The following EPHA10 variants were observed in gnomAD, a reference collection of about 807,000 sequenced individuals.
EPHA10 encodes EPH receptor A10.
A neutral mutation model predicts 109.7 loss-of-function variants in EPHA10; 120 were observed. That is an observed-to-expected ratio of 1.09 (90% CI 0.94 to 1.27). EPHA10 has a LOEUF of 1.27. Ranked by LOEUF, EPHA10 falls within the 50% of genes most tolerant of loss-of-function variation. The pLI, the probability that EPHA10 is intolerant of heterozygous loss-of-function variation, is 0.00. For synonymous variants in EPHA10, 640 were observed against 618.9 expected (o/e 1.03, Z -0.51); for missense variants, 1,396 against 1,411.1 (o/e 0.99, Z 0.17).
chr1:37,746,974 T>C (rs1218181403), intron 5 of EPHA10, among the ~76,000 whole-genome samples: 1 of 152,168 alleles, frequency 6.6e-6, no homozygotes, highest in Non-Finnish European at 1.5e-5. Context: ...GTGGATGGAA[T>C]GGTGAGTGAC....
intron 15 of EPHA10, 127 bp downstream of exon 15, chr1:37,719,287 G>T: frequency 9.0e-7 from 1 of 1,111,828 alleles, no homozygotes. Flanking sequence ...ACAGCCCTCT[G>T]GGGCAATGGG....
intron 7 of EPHA10, 77 bp from the exon 8 acceptor site, chr1:37,727,287 C>T (rs1223373017): frequency 3.4e-6 from 4 of 1,161,424 alleles, no homozygotes; most frequent in Non-Finnish European, 4.8e-6. Context: ...CTCCTGTCCT[C>T]ACCCTGTAGC....
intron 1 of EPHA10, 106 bp from the exon 2 acceptor site, chr1:37,762,955 A>G (rs989917372): frequency 5.6e-5 from 60 of 1,067,608 alleles, no homozygotes; most frequent in Non-Finnish European, 7.7e-5. Context: ...AGAATGCAAT[A>G]TGTGACAAAT....
chr1:37,760,921 T>C (rs1212622537), intron 3 of EPHA10: 4 of 187,668 alleles, frequency 2.1e-5, no homozygotes, highest in Non-Finnish European at 3.3e-5. Flanking sequence ...CCGTCTCTAC[T>C]AAAAATACAA....
intron 9 of EPHA10, 26 bp downstream of exon 9, chr1:37,723,285 T>C: frequency 6.2e-7 from 1 of 1,612,370 alleles, no homozygotes. Context: ...AGCCCGCCCC[T>C]CCCCAGCCAG....
downstream of EPHA10, chr1:37,715,715 C>A (rs1004551180): frequency 3.0e-6 from 1 of 330,678 alleles, no homozygotes; most frequent in Non-Finnish European, 5.9e-6. Flanking sequence ...CAGACACCTC[C>A]CTGGTTCTAC....
chr1:37,740,309 A>G (rs577732843), intron 5 of EPHA10, among the ~76,000 whole-genome samples: 6 of 151,684 alleles, frequency 4.0e-5, no homozygotes, highest in African/African-American at 7.2e-5. Context: ...TTATTTATTT[A>G]TTTGTTTATT....
In EPHA10 at chr1:37,723,375, G is replaced by A. The variant is rs1451564564; in HGVS notation, c.1773-3C>T. On this transcript the variant is annotated splice_polypyrimidine_tract_variant and splice_region_variant and intron_variant, in intron 8 of 16. Coordinates refer to ENST00000373048, the MANE Select transcript of EPHA10 (RefSeq NM_001099439.2). ...CTCCTTTGCCATAGCTGCAGGGCCT[G>A]GCAGGGAGTTCAGGGTCATTCTTTC... is the stretch of plus-strand genomic sequence containing the variant. 1 of 1,613,952 alleles carries A rather than the reference G, an allele frequency of 6.2e-7. No homozygotes were observed. The highest frequency in any genetic ancestry group is 8.5e-7 in the Non-Finnish European group (1 of 1,179,980).
chr1:37,733,043 C>G (rs1646013428), intron 6 of EPHA10, among the ~76,000 whole-genome samples: 1 of 151,406 alleles, frequency 6.6e-6, no homozygotes, highest in Non-Finnish European at 1.5e-5. Context: ...CAGGCACCCA[C>G]CACCATGTCT....
At position 37,732,860 on chromosome 1, in the gene EPHA10, GTTCTTTTT is replaced by G. The variant is rs1557541362; in HGVS notation, c.1492-1286_1492-1279del. Reference sequence around the variant, plus strand: ...TTTCAAATATAGCCCTTTTATACTTGTTCTTTTTTTTTTTTTTTTTTTTTTTTTTTTTT... The same window carrying G: ...TTTCAAATATAGCCCTTTTATACTTGTTTTTTTTTTTTTTTTTTTTTTTTT... On this transcript the variant is annotated intron_variant, in intron 6 of 16. Coordinates refer to ENST00000373048, the MANE Select transcript of EPHA10 (RefSeq NM_001099439.2). Among the ~76,000 whole-genome samples the G allele has an allele frequency of 6.2e-4, 16 of 25,824 alleles. 1 individual carries two copies. The highest frequency in any genetic ancestry group is 2.4e-3 in the African/African-American group (16 of 6,596). 16.9% of individuals were successfully genotyped at this position (25,824 alleles called of 152,430 possible).
chr1:37,720,026 G>T lies in EPHA10; in HGVS notation c.2445C>A (p.Pro815=). Reference sequence around the variant, plus strand: ...TGAAGTGGCCAAACTGAAGTGTCTCGGGAGCGGCCCATAGCGCTGGGCTCC... The same window carrying T: ...TGAAGTGGCCAAACTGAAGTGTCTCTGGAGCGGCCCATAGCGCTGGGCTCC... ...SGRSPALWAA[P]ETLQFGHFSS... Residue 815 remains proline, a synonymous_variant, in exon 14 of 17, where the codon CCC becomes CCA. Transcript: ENST00000373048. 6.2e-7 allele frequency: 1 copy of T among 1,613,748 alleles called. No homozygotes were observed. Among genetic ancestry groups the T allele is most frequent in the Non-Finnish European group, 8.5e-7 (1 of 1,180,018 alleles).
At chr1:37,753,727 C>T (rs184288189) in intron 4 of EPHA10, among the ~76,000 whole-genome samples, 1,295 of 72,704 alleles carry the variant, frequency 0.018, 38 homozygotes, top group African/African-American at 0.06. Flanking sequence ...CAGGGGCGAG[C>T]GGGAGGAGGG....
At position 37,721,715 on chromosome 1, in the gene EPHA10, C is replaced by T. The variant is rs368136461; in HGVS notation, c.2091G>A (p.Thr697=). 21 of 1,612,296 alleles carry T rather than the reference C, an allele frequency of 1.3e-5. No homozygotes were observed. The Admixed American group carries it at 1.3e-4, about 10-fold the overall frequency. Reference sequence around the variant, plus strand: ...TGTGGCTATGGTCAAACTGGCCCAGCGTGAGGGCCTCGGCCAGGAAGCCGA... The same window carrying T: ...TGTGGCTATGGTCAAACTGGCCCAGTGTGAGGGCCTCGGCCAGGAAGCCGA... The part of the protein sequence containing the change: ...QRLGFLAEAL[T]LGQFDHSHIV... The change falls in exon 11 of 17, where the codon ACG becomes ACA. Residue 697 remains threonine (T), a synonymous_variant. Coordinates refer to ENST00000373048, the MANE Select transcript of EPHA10 (RefSeq NM_001099439.2).
chr1:37,750,425 A>G (rs577328852), intron 5 of EPHA10, among the ~76,000 whole-genome samples: 31 of 151,566 alleles, frequency 2.0e-4, no homozygotes, highest in African/African-American at 7.5e-4. Context: ...AAAATCTCCA[A>G]AAGGCAGTGG....
At chr1:37,750,268 G>A (rs1203948321) in intron 5 of EPHA10, among the ~76,000 whole-genome samples, 2 of 152,112 alleles carry the variant, frequency 1.3e-5, no homozygotes, top group African/African-American at 2.4e-5. Context: ...TGTCACCCCC[G>A]AACCTTTTCA....
intron 16 of EPHA10, 34 bp downstream of exon 16, chr1:37,718,627 A>C: frequency 6.2e-7 from 1 of 1,613,032 alleles, no homozygotes; most frequent in Non-Finnish European, 8.5e-7. Context: ...GGAATCCCCC[A>C]GCCCCGGCCT....
chr1:37,762,956 T>C (rs1395678845), intron 1 of EPHA10, 107 bp from the exon 2 acceptor site: 7 of 1,069,430 alleles, frequency 6.5e-6, no homozygotes, highest in Admixed American at 2.4e-5. Flanking sequence ...GAATGCAATA[T>C]GTGACAAATG....
intron 5 of EPHA10, among the ~76,000 whole-genome samples, chr1:37,736,736 TAAAC>T (rs1283410439): frequency 1.3e-5 from 2 of 151,978 alleles, no homozygotes; most frequent in Non-Finnish European, 2.9e-5. Context: ...TTAGAATTAA[TAAAC>T]AAAATACAGC....
downstream of EPHA10, among the ~76,000 whole-genome samples, chr1:37,714,372 T>C (rs1434584266): frequency 2.0e-5 from 3 of 152,208 alleles, no homozygotes; most frequent in Non-Finnish European, 4.4e-5. Flanking sequence ...TGTGTTCACA[T>C]GCATGCGCAC....
Sources: allele counts gnomAD v4.1 joint callset (sites outside exome capture counted in the v4.1 genomes callset), GRCh38; gene constraint gnomAD v4.1.1; transcripts MANE v1.5; gene names NCBI Gene and HGNC (gene_info 2026-07-23, HGNC 2026-07-21).